NPC1: variants seen among roughly 807,000 people sequenced by gnomAD.
The protein encoded by NPC1 is NPC intracellular cholesterol transporter 1, also known as Niemann-Pick C1 protein.
In NPC1, 85 loss-of-function variants were observed where a neutral mutation model predicts 140.4. The ratio of observed to expected loss-of-function variants is 0.61; its 90% CI spans 0.51 to 0.72. The LOEUF (loss-of-function observed/expected upper bound fraction) is 0.72, where lower values mean the gene tolerates loss of function less well. Among genes scored for constraint, NPC1 ranks in the 30% least tolerant of loss-of-function variants. The pLI, the probability that NPC1 is intolerant of heterozygous loss-of-function variation, is 0.00. For missense variants in NPC1, 1,504 were observed against 1,623.8 expected, an observed-to-expected ratio of 0.93 and a Z score of 1.27; for synonymous variants, 656 against 624.8, an observed-to-expected ratio of 1.05 and a Z score of -0.74.
At chr18:23,536,611 C>T in intron 21 of NPC1, 62 bp downstream of exon 21, 1 of 1,458,426 alleles carries the variant, frequency 6.9e-7, no homozygotes, top group Non-Finnish European at 9.5e-7. Flanking sequence ...GGAACCCTCC[C>T]CACTCCCACC....
downstream of NPC1, chr18:23,529,653 G>T (rs779543752): frequency 6.2e-7 from 1 of 1,614,106 alleles, no homozygotes; most frequent in Non-Finnish European, 8.5e-7. Flanking sequence ...TCATAAATTT[G>T]TGATAGCCGT....
chr18:23,561,461 C>T lies in NPC1; in HGVS notation c.530G>A (p.Cys177Tyr), dbSNP rs80358252. ...SSNDKALGLL[C>Y]GKDADACNAT... ...ATTACAGGCGTCAGCGTCCTTCCCACACAGGAGTCCCAGGGCCTTGTCATT... is the reference window on the plus strand; with the variant it reads ...ATTACAGGCGTCAGCGTCCTTCCCATACAGGAGTCCCAGGGCCTTGTCATT... Residue 177 changes from cysteine (C) to tyrosine (Y), a missense_variant, in exon 5 of 25, where the codon TGT (cysteine) becomes TAT (tyrosine). Transcript: ENST00000269228. 3 of 1,614,078 alleles carry T rather than the reference C, an allele frequency of 1.9e-6. No homozygotes were observed. Among genetic ancestry groups the T allele is most frequent in the Admixed American group, 3.3e-5 (2 of 60,002 alleles).
intron 9 of NPC1, among the ~76,000 whole-genome samples, chr18:23,552,011 C>G (rs2058879981): frequency 1.3e-5 from 2 of 152,208 alleles, no homozygotes; most frequent in African/African-American, 4.8e-5. Context: ...AAATTATAGC[C>G]AAGAGGAAGA....
chr18:23,540,613 C>T, intron 16 of NPC1, 76 bp from the exon 17 acceptor site: 1 of 1,106,172 alleles, frequency 9.0e-7, no homozygotes, highest in Non-Finnish European at 1.4e-6. Context: ...ATCTTAAGCA[C>T]ACACAAAAAG....
At chr18:23,538,156 A>G (rs1407455804) in intron 20 of NPC1, among the ~76,000 whole-genome samples, 1 of 152,186 alleles carries the variant, frequency 6.6e-6, no homozygotes, top group Non-Finnish European at 1.5e-5. Context: ...GGATAATGTT[A>G]CTAAAGCTAA....
rs767290192 is a variant in NPC1 at position 23,554,716 on chromosome 18, C to A, written c.1553+42G>T. 8.9e-5 allele frequency: 136 copies of A among 1,528,220 alleles called. 1 individual carries two copies. The highest frequency in any genetic ancestry group is 1.2e-4 in the Non-Finnish European group (130 of 1,105,468). 94.7% of individuals were successfully genotyped at this position (1,528,220 alleles called of 1,614,324 possible). A position where few individuals can be genotyped will look rare whatever the true frequency, so the allele number is the denominator to read the frequency against. ...TTTTGCCCATGTACCCTAAGTCAGA[C>A]CCAAGAATGGTGTCTACCAATGATT... On this transcript the variant is annotated intron_variant, in intron 9 of 24. Coordinates refer to ENST00000269228, the MANE Select transcript of NPC1 (RefSeq NM_000271.5).
At chr18:23,551,027 A>C (rs2058864742) in intron 10 of NPC1, among the ~76,000 whole-genome samples, 1 of 152,216 alleles carries the variant, frequency 6.6e-6, no homozygotes, top group South Asian at 2.1e-4. Flanking sequence ...TGGTTGGGCA[A>C]AACCTGTTGA....
At chr18:23,551,933 G>C (rs1009372068) in intron 9 of NPC1, among the ~76,000 whole-genome samples, 5 of 152,242 alleles carry the variant, frequency 3.3e-5, no homozygotes, top group Non-Finnish European at 5.9e-5. Flanking sequence ...ATACAGCCCA[G>C]TGCCATCAAT....
chr18:23,559,264 T>C (rs2059001043), intron 6 of NPC1, among the ~76,000 whole-genome samples: 1 of 152,164 alleles, frequency 6.6e-6, no homozygotes, highest in Non-Finnish European at 1.5e-5. Context: ...GGTCAAATGG[T>C]ATTTCTAGTT....
chr18:23,573,702 G>A (rs1168706464), intron 1 of NPC1, 128 bp from the exon 2 acceptor site: 3 of 1,065,014 alleles, frequency 2.8e-6, no homozygotes, highest in Non-Finnish European at 4.3e-6. Context: ...ACAGCAACAG[G>A]CACTTAACAT....
chr18:23,526,857 C>T, downstream of NPC1: 1 of 1,501,676 alleles, frequency 6.7e-7, no homozygotes, highest in African/African-American at 1.4e-5. Flanking sequence ...ATTGTTGTGT[C>T]TTGTCTGTGA....
At chr18:23,520,298 C>G (rs757079651), downstream of NPC1, 3 of 1,613,742 alleles carry the variant, frequency 1.9e-6, no homozygotes, top group Middle Eastern at 1.6e-4. Context: ...CCAGCCCTAT[C>G]AGATCCCCAT....
chr18:23,524,533 T>C (rs1184995927), downstream of NPC1: 2 of 1,582,504 alleles, frequency 1.3e-6, no homozygotes, highest in Non-Finnish European at 1.7e-6. Flanking sequence ...TTGTTGACTT[T>C]GGATCCCAGT....
downstream of NPC1, chr18:23,528,490 A>AT (rs1263636314): frequency 4.6e-5 from 7 of 153,768 alleles, no homozygotes; most frequent in African/African-American, 1.7e-4. Context: ...CCAGGATCTG[A>AT]TTAGTCCTAG....
At chr18:23,530,574 G>A (rs374790771), downstream of NPC1, 13 of 1,613,946 alleles carry the variant, frequency 8.1e-6, no homozygotes, top group African/African-American at 1.3e-5. Context: ...TTTGAACAGC[G>A]AAACCAGCGT....
At chr18:23,551,197 G>A (rs1411490114) in intron 10 of NPC1, among the ~76,000 whole-genome samples, 1 of 151,950 alleles carries the variant, frequency 6.6e-6, no homozygotes, top group Non-Finnish European at 1.5e-5. Context: ...TGGCTTAGAA[G>A]AAAAAAAATC....
downstream of NPC1, chr18:23,520,239 T>G: frequency 6.2e-7 from 1 of 1,614,106 alleles, no homozygotes; most frequent in Non-Finnish European, 8.5e-7. Context: ...CGGGGAGAGT[T>G]TGACGGCTCC....
chr18:23,556,410 G>T lies in NPC1; in HGVS notation c.1159C>A (p.Gln387Lys). The stretch of plus-strand genomic sequence containing the variant: ...AAGTACTCTTTTTCCAGGCGAGCCT[G>T]GCTGCTGGGGGCTGACCAGAGGTCA... ...PVDLWSAPSS[Q>K]ARLEKEYFDQ... Residue 387 changes from glutamine (Q) to lysine (K), a missense_variant, in exon 8 of 25, where the codon CAG (glutamine) becomes AAG (lysine). By Grantham distance (53) the Gln-to-Lys change is moderately conservative. Transcript: ENST00000269228. The T allele has an allele frequency of 6.2e-7, 1 of 1,614,176 alleles. No homozygotes were observed. The highest frequency in any genetic ancestry group is 1.1e-5 in the South Asian group (1 of 91,078).
chr18:23,581,444 C>T (rs1157862026), intron 1 of NPC1, among the ~76,000 whole-genome samples: 1 of 152,210 alleles, frequency 6.6e-6, no homozygotes, highest in East Asian at 1.9e-4. Flanking sequence ...GCAGTTGAAG[C>T]ACCCAATGTG....
Sources: gnomAD v4.1 joint callset for allele counts (sites outside exome capture counted in the v4.1 genomes callset) on GRCh38, gnomAD v4.1.1 for gene constraint, MANE v1.5 for transcripts, NCBI Gene and HGNC (gene_info 2026-07-23, HGNC 2026-07-21) for gene names.